RPGRIP1L: variants seen among roughly 807,000 people sequenced by gnomAD.
RPGRIP1L encodes protein fantom.
RPGRIP1L carries 131 observed loss-of-function variants against 160.4 expected under a neutral mutation model. That is an observed-to-expected ratio of 0.82 (90% CI 0.71 to 0.94). RPGRIP1L has a LOEUF of 0.94. Ranked by LOEUF, RPGRIP1L falls within the 40% of genes least tolerant of loss-of-function variation. RPGRIP1L has a pLI of 0.00. For missense variants in RPGRIP1L, 1,522 were observed against 1,535.8 expected (o/e 0.99, Z 0.15); for synonymous variants, 510 against 515.8 (o/e 0.99, Z 0.15).
chr16:53,643,106 G>A (rs181140384), intron 17 of RPGRIP1L, among the ~76,000 whole-genome samples: 1 of 152,134 alleles, frequency 6.6e-6, no homozygotes, highest in African/African-American at 2.4e-5. Context: ...AGACCAGCCT[G>A]GCCAACTGGC....
chr16:53,703,162 G>C (rs1971622286), intron 1 of RPGRIP1L: 1 of 152,212 alleles, frequency 6.6e-6, no homozygotes, highest in Non-Finnish European at 1.5e-5. Flanking sequence ...CCAGCTACTC[G>C]GGAGGCTGAG....
chr16:53,642,627 T>C (rs1256175237), intron 17 of RPGRIP1L, among the ~76,000 whole-genome samples: 1 of 152,120 alleles, frequency 6.6e-6, no homozygotes, highest in African/African-American at 2.4e-5. Context: ...GTCTGGAAAT[T>C]GATCAAAGAT....
chr16:53,662,509 A>C (rs1357057083), intron 10 of RPGRIP1L, among the ~76,000 whole-genome samples: 2 of 152,138 alleles, frequency 1.3e-5, no homozygotes, highest in Non-Finnish European at 2.9e-5. Context: ...GGCAAAGAAC[A>C]CTTGATACAT....
chr16:53,653,524 C>G (rs569211430), intron 14 of RPGRIP1L: 1 of 167,778 alleles, frequency 6.0e-6, no homozygotes, highest in Admixed American at 6.5e-5. Context: ...TGAAACTGCT[C>G]CAGAAAAAGC....
At chr16:53,604,060 G>A (rs1036094882) in intron 26 of RPGRIP1L, among the ~76,000 whole-genome samples, 1 of 152,166 alleles carries the variant, frequency 6.6e-6, no homozygotes, top group Non-Finnish European at 1.5e-5. Flanking sequence ...TGGTATTTTT[G>A]TCAGACTTTC....
chr16:53,644,743 C>T (rs925043130), intron 17 of RPGRIP1L, among the ~76,000 whole-genome samples: 1 of 152,068 alleles, frequency 6.6e-6, no homozygotes, highest in African/African-American at 2.4e-5. Context: ...CTTCAAAAAA[C>T]AAAATCAAAA....
At chr16:53,636,651 C>A in intron 21 of RPGRIP1L, 139 bp from the exon 22 acceptor site, 2 of 553,140 alleles carry the variant, frequency 3.6e-6, no homozygotes, top group Non-Finnish European at 6.3e-6. Context: ...TTTTTAGTAG[C>A]AAATTTGTTT....
chr16:53,700,574 T>C, intron 2 of RPGRIP1L, 65 bp downstream of exon 2: 1 of 1,258,378 alleles, frequency 7.9e-7, no homozygotes, highest in South Asian at 1.2e-5. Flanking sequence ...GTATAAGAAA[T>C]ACTTTAAATT....
chr16:53,700,822 G>T, intron 1 of RPGRIP1L, 92 bp from the exon 2 acceptor site: 1 of 892,148 alleles, frequency 1.1e-6, no homozygotes, highest in Non-Finnish European at 1.8e-6. Context: ...AAAGGGACTA[G>T]AACTTTAATG....
At chr16:53,625,180 C>T (rs997509987) in intron 22 of RPGRIP1L, among the ~76,000 whole-genome samples, 8 of 152,094 alleles carry the variant, frequency 5.3e-5, no homozygotes, top group African/African-American at 1.4e-4. Flanking sequence ...TCTGCCCGGC[C>T]GCCACCCCGT....
chr16:53,626,402 T>C (rs1172170408), intron 22 of RPGRIP1L, among the ~76,000 whole-genome samples: 3 of 152,184 alleles, frequency 2.0e-5, no homozygotes. Flanking sequence ...CCTCTACGTG[T>C]ATGAATTTTT....
chr16:53,619,597 A>G (rs887939253), intron 23 of RPGRIP1L, among the ~76,000 whole-genome samples: 3 of 152,198 alleles, frequency 2.0e-5, no homozygotes, highest in African/African-American at 7.2e-5. Context: ...TACTTAATCT[A>G]CAGTACCTGA....
intron 10 of RPGRIP1L, among the ~76,000 whole-genome samples, chr16:53,664,091 A>G (rs913068286): frequency 3.1e-4 from 47 of 152,206 alleles, no homozygotes; most frequent in African/African-American, 1.0e-3. Context: ...CGGTTTATCT[A>G]GGGCATGAGC....
intron 7 of RPGRIP1L, among the ~76,000 whole-genome samples, chr16:53,673,767 ATTATAGAACAGTATC>A (rs1458493742): frequency 3.9e-5 from 6 of 152,004 alleles, no homozygotes; most frequent in African/African-American, 1.4e-4. Flanking sequence ...TCTTGGTATT[ATTATAGAACAGTATC>A]TTCAGCCACC....
chr16:53,667,549 G>A (rs930770270), intron 9 of RPGRIP1L, among the ~76,000 whole-genome samples: 19 of 152,114 alleles, frequency 1.2e-4, no homozygotes, highest in Non-Finnish European at 2.4e-4. Flanking sequence ...ACCAGCCTAG[G>A]AAACATAGAG....
intron 9 of RPGRIP1L, among the ~76,000 whole-genome samples, chr16:53,669,933 C>T (rs891553871): frequency 6.6e-6 from 1 of 152,112 alleles, no homozygotes; most frequent in Admixed American, 6.5e-5. Flanking sequence ...CTGTGTGACT[C>T]TGCACAAGTC....
intron 4 of RPGRIP1L, among the ~76,000 whole-genome samples, chr16:53,691,275 A>T (rs1245197554): frequency 6.6e-6 from 1 of 152,148 alleles, no homozygotes; most frequent in Non-Finnish European, 1.5e-5. Flanking sequence ...AACGTTACTT[A>T]AGATATTTAT....
At chr16:53,682,235 T>C (rs1969663495) in intron 6 of RPGRIP1L, among the ~76,000 whole-genome samples, 1 of 152,206 alleles carries the variant, frequency 6.6e-6, no homozygotes, top group South Asian at 2.1e-4. Flanking sequence ...TACACACTGA[T>C]TTATTTCTCT....
intron 4 of RPGRIP1L, 109 bp from the exon 5 acceptor site, chr16:53,688,074 G>A: frequency 1.4e-5 from 10 of 733,572 alleles, no homozygotes; most frequent in Non-Finnish European, 2.1e-5. Flanking sequence ...GTATTAAGAG[G>A]TATGTGTTTT....
Sources: gnomAD v4.1 joint callset for allele counts (sites outside exome capture counted in the v4.1 genomes callset) on GRCh38, gnomAD v4.1.1 for gene constraint, MANE v1.5 for transcripts, NCBI Gene and HGNC (gene_info 2026-07-23, HGNC 2026-07-21) for gene names.